The following PRKG1 variants were observed in gnomAD, a reference collection of about 807,000 sequenced individuals.
The protein encoded by PRKG1 is cGMP-dependent protein kinase 1.
Under a neutral mutation model 88.1 loss-of-function variants are expected in PRKG1, and 35 were observed. The observed-to-expected ratio is 0.40, with a 90% confidence interval of 0.30 to 0.53. The LOEUF (loss-of-function observed/expected upper bound fraction) is 0.53, where lower values mean the gene tolerates loss of function less well. Ranked by LOEUF, PRKG1 falls within the 20% of genes least tolerant of loss-of-function variation. The pLI is 0.59. For missense variants in PRKG1, 540 were observed against 839.8 expected, an observed-to-expected ratio of 0.64 and a Z score of 4.41; for synonymous variants, 303 against 292.5, an observed-to-expected ratio of 1.04 and a Z score of -0.37.
intron 3 of PRKG1, among the ~76,000 whole-genome samples, chr10:51,735,075 G>A (rs1361988276): frequency 6.6e-6 from 1 of 152,168 alleles, no homozygotes; most frequent in African/African-American, 2.4e-5. Flanking sequence ...CAAAACAGGA[G>A]AGCACACACC....
intron 5 of PRKG1, among the ~76,000 whole-genome samples, chr10:51,941,872 G>A (rs959780992): frequency 4.6e-5 from 7 of 151,844 alleles, no homozygotes; most frequent in Middle Eastern, 3.2e-3. Context: ...ATTTGGGTTG[G>A]TTCCAAGTCT....
chr10:52,124,607 C>T (rs1467056717), intron 7 of PRKG1, among the ~76,000 whole-genome samples: 4 of 152,076 alleles, frequency 2.6e-5, no homozygotes, highest in Non-Finnish European at 5.9e-5. Context: ...ACTTAGTCTA[C>T]ACCAAATTTA....
At chr10:51,373,406 G>A (rs932308447) in intron 2 of PRKG1, among the ~76,000 whole-genome samples, 4 of 152,122 alleles carry the variant, frequency 2.6e-5, no homozygotes, top group African/African-American at 9.7e-5. Context: ...TGATTCAAAT[G>A]TGTCCTCTCC....
chr10:51,587,482 T>G (rs574714424), intron 3 of PRKG1, among the ~76,000 whole-genome samples: 1 of 152,312 alleles, frequency 6.6e-6, no homozygotes, highest in Non-Finnish European at 1.5e-5. Flanking sequence ...AGTTAATCCT[T>G]ACATTAAATT....
chr10:51,069,164 G>T (rs1384889389), intron 1 of PRKG1, among the ~76,000 whole-genome samples: 3 of 151,884 alleles, frequency 2.0e-5, no homozygotes, highest in Admixed American at 6.6e-5. Flanking sequence ...AGTATTAAAT[G>T]CTAAGTACAT....
At chr10:51,566,210 G>A (rs550582795) in intron 3 of PRKG1, among the ~76,000 whole-genome samples, 3 of 152,130 alleles carry the variant, frequency 2.0e-5, no homozygotes, top group Middle Eastern at 3.4e-3. Context: ...ATAAGACTTG[G>A]CACTTGACTA....
Position 51,803,789 on chromosome 10 carries a change from A to G in PRKG1, c.593-796A>G, listed in dbSNP as rs143145307. 4.9e-3 allele frequency among the ~76,000 whole-genome samples: 742 copies of G among 152,280 alleles called. 4 individuals carry two copies. The highest frequency in any genetic ancestry group is 0.017 in the African/African-American group (702 of 41,576). ...AAATTTGAAAACATATATAAAAGTAAAGAGAATAAGAAATCTCTCATATGC... is the reference window on the plus strand; with the variant it reads ...AAATTTGAAAACATATATAAAAGTAGAGAGAATAAGAAATCTCTCATATGC... On this transcript the variant is annotated intron_variant, in intron 3 of 17. Coordinates refer to ENST00000373980, the MANE Select transcript of PRKG1 (RefSeq NM_006258.4).
At chr10:51,053,527 A>G (rs1213218870) in intron 1 of PRKG1, among the ~76,000 whole-genome samples, 1 of 152,140 alleles carries the variant, frequency 6.6e-6, no homozygotes, top group Non-Finnish European at 1.5e-5. Flanking sequence ...GTATACATGC[A>G]TCACCCCCCA....
intron 1 of PRKG1, among the ~76,000 whole-genome samples, chr10:51,118,750 G>A (rs978020499): frequency 5.3e-5 from 8 of 152,080 alleles, no homozygotes; most frequent in East Asian, 1.9e-4. Flanking sequence ...TGTTCTATTC[G>A]TCTCTGCAGA....
chr10:51,849,207 T>G (rs1840482659), intron 4 of PRKG1, among the ~76,000 whole-genome samples: 1 of 152,178 alleles, frequency 6.6e-6, no homozygotes. Context: ...TTTATTCTAT[T>G]TAGTTAGTAC....
chr10:51,591,301 T>C (rs1838306750), intron 3 of PRKG1, among the ~76,000 whole-genome samples: 1 of 152,212 alleles, frequency 6.6e-6, no homozygotes, highest in Admixed American at 6.5e-5. Context: ...TTGGTAGCTA[T>C]TTGATCTCTA....
chr10:52,156,695 A>T (rs1251762059), intron 8 of PRKG1, among the ~76,000 whole-genome samples: 2 of 151,900 alleles, frequency 1.3e-5, no homozygotes, highest in Non-Finnish European at 2.9e-5. Flanking sequence ...ACAAAAAATA[A>T]CAAACATAAG....
intron 2 of PRKG1, among the ~76,000 whole-genome samples, chr10:51,404,439 C>A (rs1020261397): frequency 5.3e-5 from 8 of 152,164 alleles, no homozygotes; most frequent in Non-Finnish European, 8.8e-5. Flanking sequence ...ACAAACCCAG[C>A]TGGACTGAGC....
intron 2 of PRKG1, among the ~76,000 whole-genome samples, chr10:51,217,647 T>C (rs2132084455): frequency 6.6e-6 from 1 of 152,274 alleles, no homozygotes; most frequent in Admixed American, 6.5e-5. Flanking sequence ...AATTTTCCTG[T>C]GGTATAAATT....
At chr10:51,356,451 A>G (rs1368898638) in intron 2 of PRKG1, among the ~76,000 whole-genome samples, 1 of 151,994 alleles carries the variant, frequency 6.6e-6, no homozygotes, top group Non-Finnish European at 1.5e-5. Context: ...AACAGAATAA[A>G]TCATTCTTTA....
intron 3 of PRKG1, among the ~76,000 whole-genome samples, chr10:51,799,251 C>A (rs944377433): frequency 6.6e-6 from 1 of 151,856 alleles, no homozygotes; most frequent in African/African-American, 2.4e-5. Flanking sequence ...TTCCGTGCCC[C>A]CCTCTTCATT....
chr10:51,024,483 A>C (rs1843175082), intron 1 of PRKG1, among the ~76,000 whole-genome samples: 1 of 152,216 alleles, frequency 6.6e-6, no homozygotes, highest in African/African-American at 2.4e-5. Context: ...TGTTTATAAT[A>C]ACCTATGGCA....
At chr10:51,244,338 G>A (rs1205817417) in intron 2 of PRKG1, among the ~76,000 whole-genome samples, 1 of 115,334 alleles carries the variant, frequency 8.7e-6, no homozygotes, top group African/African-American at 3.3e-5. Flanking sequence ...CATTTATATT[G>A]TCAAGGTGAA....
chr10:51,602,877 T>TA (rs955688381), intron 3 of PRKG1, among the ~76,000 whole-genome samples: 5 of 151,972 alleles, frequency 3.3e-5, no homozygotes, highest in African/African-American at 1.2e-4. Flanking sequence ...TTCCTAGGTA[T>TA]AATGTTTTTA....
Sources: gnomAD v4.1 joint callset for allele counts (sites outside exome capture counted in the v4.1 genomes callset) on GRCh38, gnomAD v4.1.1 for gene constraint, MANE v1.5 for transcripts, NCBI Gene and HGNC (gene_info 2026-07-23, HGNC 2026-07-21) for gene names.